Variants in SKIL observed in about 807,000 individuals in gnomAD.
SKIL encodes the protein SKI like proto-oncogene.
Under a neutral mutation model 69.6 loss-of-function variants are expected in SKIL, and 20 were observed. The ratio of observed to expected loss-of-function variants is 0.29; its 90% CI spans 0.20 to 0.42. The LOEUF is 0.42. SKIL is among the 10% of genes least tolerant of loss of function. The pLI is 1.00. For missense variants in SKIL, 745 were observed against 783.1 expected (o/e 0.95, Z 0.58); for synonymous variants, 310 against 279.9 (o/e 1.11, Z -1.08).
rs59222162 is a variant in SKIL at position 170,365,752 on chromosome 3, C to CTTTTTTT, written c.1098+4338_1098+4344dup. Among the ~76,000 whole-genome samples the CTTTTTTT allele has an allele frequency of 2.2e-3, 239 of 106,410 alleles. 10 individuals are homozygous for CTTTTTTT. Among genetic ancestry groups the CTTTTTTT allele is most frequent in the African/African-American group, 6.0e-3 (150 of 25,192 alleles). 69.8% of individuals were successfully genotyped at this position (106,410 alleles called of 152,430 possible). A position where few individuals can be genotyped will look rare whatever the true frequency, so the allele number is the denominator to read the frequency against. ...GCTCATTTTAAAAAGTCAAACTAGG[C>CTTTTTTT]TTTTTTTTTTTTTTTTTTTTTGAGA... On this transcript the variant is annotated intron_variant, in intron 2 of 6. Transcript: ENST00000259119.
At chr3:170,361,559 T>C (rs895385733) in intron 2 of SKIL, 130 bp downstream of exon 2, 6 of 752,344 alleles carry the variant, frequency 8.0e-6, no homozygotes, top group Non-Finnish European at 1.1e-5. Context: ...CCGATTGATA[T>C]ATTTGTATTG....
At chr3:170,385,165 A>G (rs1000055950) in intron 4 of SKIL, 21 of 156,604 alleles carry the variant, frequency 1.3e-4, no homozygotes, top group Non-Finnish European at 2.8e-4. Flanking sequence ...TGCAGCCTCA[A>G]CCTTTGGGCT....
In SKIL at chr3:170,392,240, C is replaced by A; in HGVS notation, c.1897-19C>A. 1 of 1,556,258 alleles carries A rather than the reference C, an allele frequency of 6.4e-7. No individual in the cohort carries two copies. The highest frequency in any genetic ancestry group is 8.7e-7 in the Non-Finnish European group (1 of 1,152,962). ...AAAACAAAACAATTAAAATTGATAG[C>A]GCCTTTTAAATCACATAGTTGGCAG... On this transcript the variant is annotated intron_variant, in intron 6 of 6. Transcript: ENST00000259119.
rs116965777 is a variant in SKIL, at chr3:170,388,303, C to G, written c.1430-1920C>G. ...CATGTTTTTCTTGGACATTGCATAT[C>G]TTTGGAGAAATGTCTATTCAGGTCT... On this transcript the variant is annotated intron_variant, in intron 4 of 6. Transcript: ENST00000259119. Among the ~76,000 whole-genome samples the G allele has an allele frequency of 7.1e-4, 108 of 152,150 alleles. 1 individual carries two copies. The East Asian group carries it at 0.02, about 28-fold the overall frequency.
At position 170,396,647 on chromosome 3, in the gene SKIL, AAAAAT is replaced by A. The variant is rs1214384596; in HGVS notation, c.*4233_*4237del. The A allele has an allele frequency of 6.6e-6, 1 of 152,206 alleles. No homozygotes were observed. The highest frequency in any genetic ancestry group is 2.4e-5 in the African/African-American group (1 of 41,454). The allele number at this position is 152,206 out of a possible 1,614,324, so 9.4% of individuals were successfully genotyped here. ...AATAAATATTTTATATGGTTTTACT[AAAAAT>A]AAGACTCATGTATCTGGTCACCTAG... On this transcript the variant is annotated 3_prime_UTR_variant, in exon 7 of 7. Coordinates refer to ENST00000259119, the MANE Select transcript of SKIL (RefSeq NM_005414.5).
chr3:170,365,751 G>GTTTTTTTTTTTTTTTT (rs1560207824), intron 2 of SKIL, among the ~76,000 whole-genome samples: 3 of 92,432 alleles, frequency 3.2e-5, no homozygotes, highest in African/African-American at 1.6e-4. Flanking sequence ...GTCAAACTAG[G>GTTTTTTTTTTTTTTTT]CTTTTTTTTT....
At chr3:170,368,539 CAA>C (rs1736651737) in intron 2 of SKIL, among the ~76,000 whole-genome samples, 2 of 152,106 alleles carry the variant, frequency 1.3e-5, no homozygotes, top group South Asian at 4.1e-4. Flanking sequence ...ATTCATCAAA[CAA>C]GAGAATGAGC....
chr3:170,382,688 T>C (rs6784631), intron 3 of SKIL, among the ~76,000 whole-genome samples: 135,005 of 149,016 alleles, frequency 0.91, 61,265 homozygotes, highest in East Asian at 0.98. Context: ...GGATTACAGG[T>C]GTGAGCCACC....
At chr3:170,367,311 C>T (rs183346019) in intron 2 of SKIL, among the ~76,000 whole-genome samples, 2 of 151,926 alleles carry the variant, frequency 1.3e-5, no homozygotes, top group African/African-American at 2.4e-5. Context: ...GGGGTTTCAC[C>T]GTGTTAGCCA....
intron 4 of SKIL, among the ~76,000 whole-genome samples, chr3:170,388,884 T>G (rs62293480): frequency 0.29 from 41,839 of 144,432 alleles, 9,975 homozygotes; most frequent in Non-Finnish European, 0.4. Context: ...ATTTATTTAT[T>G]TTTGAGACAG....
intron 2 of SKIL, 85 bp downstream of exon 2, chr3:170,361,514 A>T (rs1052807784): frequency 3.0e-6 from 3 of 1,007,724 alleles, no homozygotes; most frequent in Middle Eastern, 6.7e-4. Flanking sequence ...CTTAACCTGT[A>T]TGTTGAACAT....
At chr3:170,380,939 C>T (rs1257497427) in intron 2 of SKIL, among the ~76,000 whole-genome samples, 1 of 151,950 alleles carries the variant, frequency 6.6e-6, no homozygotes, top group Non-Finnish European at 1.5e-5. Context: ...AGGGATTCTC[C>T]CACCTCAGTC....
Position 170,365,752 on chromosome 3 carries a change from C to CTTTTTTTT in SKIL, c.1098+4337_1098+4344dup, listed in dbSNP as rs59222162. Among the ~76,000 whole-genome samples, 84 of 106,446 alleles carry CTTTTTTTT rather than the reference C, an allele frequency of 7.9e-4. 4 individuals are homozygous for CTTTTTTTT. Among genetic ancestry groups the CTTTTTTTT allele is most frequent in the African/African-American group, 2.6e-3 (66 of 25,208 alleles). The allele number at this position is 106,446 out of a possible 152,430, so 69.8% of individuals were successfully genotyped here. A position where few individuals can be genotyped will look rare whatever the true frequency, so the allele number is the denominator to read the frequency against. Reference sequence around the variant, plus strand: ...GCTCATTTTAAAAAGTCAAACTAGGCTTTTTTTTTTTTTTTTTTTTTGAGA... The same window carrying CTTTTTTTT: ...GCTCATTTTAAAAAGTCAAACTAGGCTTTTTTTTTTTTTTTTTTTTTTTTTTTTTGAGA... On this transcript the variant is annotated intron_variant, in intron 2 of 6. Transcript: ENST00000259119.
rs1736151225 is a variant in SKIL at position 170,360,167 on chromosome 3, C to T, written c.-165C>T. ...AATTATACCAGATTATAAGGAGAAC[C>T]AAAACTAAGTCGCAAAATTTATTAA... On this transcript the variant is annotated 5_prime_UTR_variant, in exon 2 of 7. Transcript: ENST00000259119. The T allele has an allele frequency of 3.2e-6, 2 of 633,152 alleles. No homozygotes were observed. Among genetic ancestry groups the T allele is most frequent in the South Asian group, 2.7e-5 (1 of 36,920 alleles). 39.2% of individuals were successfully genotyped at this position (633,152 alleles called of 1,614,324 possible).
In SKIL at chr3:170,395,781, A is replaced by G. The variant is rs1177493365; in HGVS notation, c.*3364A>G. ...ACATGATAGGACATTAAAAATTAAT[A>G]TAAAGAAAAATCGTGCTCATACTGT... On this transcript the variant is annotated 3_prime_UTR_variant, in exon 7 of 7. Coordinates refer to ENST00000259119, the MANE Select transcript of SKIL (RefSeq NM_005414.5). 1 of 152,132 alleles carries G rather than the reference A, an allele frequency of 6.6e-6. No homozygotes were observed. Among genetic ancestry groups the G allele is most frequent in the African/African-American group, 2.4e-5 (1 of 41,458 alleles). The allele number at this position is 152,132 out of a possible 1,614,324, so 9.4% of individuals were successfully genotyped here. A position where few individuals can be genotyped will look rare whatever the true frequency, so the allele number is the denominator to read the frequency against.
chr3:170,375,573 T>TTTTTTC (rs1290631008), intron 2 of SKIL, among the ~76,000 whole-genome samples: 1 of 152,106 alleles, frequency 6.6e-6, no homozygotes, highest in East Asian at 1.9e-4. Context: ...AATTTTATAT[T>TTTTTTC]TTTTTCTTTT....
chr3:170,376,925 G>C (rs535303461), intron 2 of SKIL, among the ~76,000 whole-genome samples: 1 of 152,190 alleles, frequency 6.6e-6, no homozygotes, highest in South Asian at 2.1e-4. Context: ...GTTGAATTGG[G>C]GTAGGGGACA....
chr3:170,369,082 A>ATTTTTTTTTTTTTTT (rs55652320), intron 2 of SKIL, among the ~76,000 whole-genome samples: 1 of 126,776 alleles, frequency 7.9e-6, no homozygotes, highest in African/African-American at 3.0e-5. Flanking sequence ...TATCCCTGGC[A>ATTTTTTTTTTTTTTT]TTTTTTTTTT....
intron 2 of SKIL, among the ~76,000 whole-genome samples, chr3:170,370,476 GTCTTACAGTCTTCTTATA>G (rs1736756070): frequency 9.1e-6 from 1 of 109,622 alleles, no homozygotes. Flanking sequence ...TCATCTTATA[GTCTTACAGTCTTCTTATA>G]TCTTACAGTC....
Sources: gnomAD v4.1 joint callset for allele counts (sites outside exome capture counted in the v4.1 genomes callset) on GRCh38, gnomAD v4.1.1 for gene constraint, MANE v1.5 for transcripts, NCBI Gene and HGNC (gene_info 2026-07-23, HGNC 2026-07-21) for gene names.